VSNL1: variants seen among roughly 807,000 people sequenced by gnomAD.
The protein encoded by VSNL1 is visinin-like protein 1.
Under a neutral mutation model 20.4 loss-of-function variants are expected in VSNL1, and 6 were observed. The observed-to-expected ratio is 0.29, with a 90% CI of 0.16 to 0.58. VSNL1 has a LOEUF of 0.58. VSNL1 is among the 20% of genes least tolerant of loss of function. VSNL1 has a pLI of 0.90. For synonymous variants in VSNL1, 93 were observed against 86.4 expected, an observed-to-expected ratio of 1.08 and a Z score of -0.42; for missense variants, 100 against 234.5, an observed-to-expected ratio of 0.43 and a Z score of 3.75.
chr2:17,631,496 T>C (rs1259654314), intron 2 of VSNL1, among the ~76,000 whole-genome samples: 1 of 152,232 alleles, frequency 6.6e-6, no homozygotes, highest in Non-Finnish European at 1.5e-5. Context: ...AGCACTCTGG[T>C]TAACTATTGG....
intron 1 of VSNL1, among the ~76,000 whole-genome samples, chr2:17,583,904 T>G (rs1255482573): frequency 6.6e-6 from 1 of 152,178 alleles, no homozygotes. Context: ...CCCCTCTCCA[T>G]CATTTGGAGC....
chr2:17,573,288 C>T (rs1664123768), intron 1 of VSNL1, among the ~76,000 whole-genome samples: 1 of 152,004 alleles, frequency 6.6e-6, no homozygotes, highest in Non-Finnish European at 1.5e-5. Context: ...TCATGGTGAC[C>T]CCTATGGGTC....
intron 1 of VSNL1, among the ~76,000 whole-genome samples, chr2:17,574,648 G>A (rs908026349): frequency 6.6e-6 from 1 of 152,176 alleles, no homozygotes; most frequent in Non-Finnish European, 1.5e-5. Flanking sequence ...AATACTCAGG[G>A]ATTTTCCTTT....
chr2:17,588,431 C>CA (rs1233240637), intron 1 of VSNL1, among the ~76,000 whole-genome samples: 1 of 152,176 alleles, frequency 6.6e-6, no homozygotes, highest in African/African-American at 2.4e-5. Flanking sequence ...AAGTTAGAGA[C>CA]AGAGCCAGCC....
At chr2:17,611,744 T>G (rs1196163058) in intron 2 of VSNL1, among the ~76,000 whole-genome samples, 1 of 152,150 alleles carries the variant, frequency 6.6e-6, no homozygotes, top group Non-Finnish European at 1.5e-5. Context: ...TGCTCTGTAA[T>G]CCCCACCCCA....
At chr2:17,591,239 G>T (rs966862106) in intron 1 of VSNL1, among the ~76,000 whole-genome samples, 7 of 152,054 alleles carry the variant, frequency 4.6e-5, no homozygotes, top group South Asian at 2.1e-4. Context: ...GTAGTAATTG[G>T]CCAAATCAGG....
chr2:17,562,757 A>G (rs1470520558), intron 1 of VSNL1, among the ~76,000 whole-genome samples: 1 of 152,180 alleles, frequency 6.6e-6, no homozygotes, highest in African/African-American at 2.4e-5. Flanking sequence ...TTGTCTTGTG[A>G]GATTCAAGAT....
At chr2:17,626,178 C>T (rs1268067788) in intron 2 of VSNL1, among the ~76,000 whole-genome samples, 1 of 152,134 alleles carries the variant, frequency 6.6e-6, no homozygotes, top group East Asian at 1.9e-4. Context: ...TAGCCATGAC[C>T]CCAATATGCC....
At chr2:17,567,855 C>A (rs1663989355) in intron 1 of VSNL1, 3 of 152,060 alleles carry the variant, frequency 2.0e-5, no homozygotes, top group East Asian at 1.9e-4. Flanking sequence ...AAGGTCAATA[C>A]CTGTAATAGA....
At chr2:17,578,151 A>G (rs1249775673) in intron 1 of VSNL1, among the ~76,000 whole-genome samples, 1 of 152,206 alleles carries the variant, frequency 6.6e-6, no homozygotes, top group Non-Finnish European at 1.5e-5. Flanking sequence ...TTTAATGTTG[A>G]ATGAACAGGA....
chr2:17,647,956 TAA>T (rs1197620658), intron 2 of VSNL1, among the ~76,000 whole-genome samples: 2 of 152,162 alleles, frequency 1.3e-5, no homozygotes, highest in East Asian at 3.8e-4. Flanking sequence ...TGAGGGAACA[TAA>T]GAGAACATTG....
At chr2:17,613,755 C>G (rs1003785150) in intron 2 of VSNL1, among the ~76,000 whole-genome samples, 7 of 152,332 alleles carry the variant, frequency 4.6e-5, no homozygotes, top group African/African-American at 1.7e-4. Flanking sequence ...CCCATCTTTC[C>G]ACGTTTCATC....
intron 2 of VSNL1, among the ~76,000 whole-genome samples, chr2:17,606,110 C>G (rs1347843799): frequency 6.6e-6 from 1 of 152,168 alleles, no homozygotes; most frequent in South Asian, 2.1e-4. Context: ...CATTGAAACC[C>G]AGCAGTTGGA....
chr2:17,625,312 A>G (rs62133586), intron 2 of VSNL1, among the ~76,000 whole-genome samples: 8,169 of 152,288 alleles, frequency 0.054, 257 homozygotes, highest in East Asian at 0.092. Context: ...GGCTCAGTTC[A>G]AAGTACCCTG....
At chr2:17,626,076 C>T (rs1261776551) in intron 2 of VSNL1, among the ~76,000 whole-genome samples, 3 of 152,138 alleles carry the variant, frequency 2.0e-5, no homozygotes, top group African/African-American at 7.2e-5. Context: ...GCCTCAGCTT[C>T]GCAAAAGACT....
Position 17,656,377 on chromosome 2 carries a change from CA to C in VSNL1, c.*984del, listed in dbSNP as rs1456989210. 6.6e-6 allele frequency: 1 copy of C among 152,090 alleles called. No individual in the cohort carries two copies. The highest frequency in any genetic ancestry group is 2.4e-5 in the African/African-American group (1 of 41,416). The allele number at this position is 152,090 out of a possible 1,614,324, so 9.4% of individuals were successfully genotyped here. A position where few individuals can be genotyped will look rare whatever the true frequency, so the allele number is the denominator to read the frequency against. On this transcript the variant is annotated 3_prime_UTR_variant, in exon 4 of 4. Transcript: ENST00000295156. ...CGAACATGGCATGTGAAAAGTAAAACAGATTTGTTCATTCCGAAAAAAAAAT... is the reference window on the plus strand; with the variant it reads ...CGAACATGGCATGTGAAAAGTAAAACGATTTGTTCATTCCGAAAAAAAAAT...
chr2:17,630,775 T>A (rs924771077), intron 2 of VSNL1, among the ~76,000 whole-genome samples: 4 of 152,180 alleles, frequency 2.6e-5, no homozygotes, highest in Non-Finnish European at 5.9e-5. Flanking sequence ...AACGGCATTT[T>A]ATTTTTTTTT....
chr2:17,563,414 T>C (rs1558282882), intron 1 of VSNL1, among the ~76,000 whole-genome samples: 2 of 152,150 alleles, frequency 1.3e-5, no homozygotes, highest in Admixed American at 1.3e-4. Flanking sequence ...GTCAGTACTG[T>C]ATGGAGAGAA....
At chr2:17,587,661 G>T (rs1664508041) in intron 1 of VSNL1, among the ~76,000 whole-genome samples, 1 of 152,112 alleles carries the variant, frequency 6.6e-6, no homozygotes, top group South Asian at 2.1e-4. Context: ...TCCTGCAGGT[G>T]AGAGAAGATG....
Sources: allele counts gnomAD v4.1 joint callset (sites outside exome capture counted in the v4.1 genomes callset), GRCh38; gene constraint gnomAD v4.1.1; transcripts MANE v1.5; gene names NCBI Gene and HGNC (gene_info 2026-07-23, HGNC 2026-07-21).